PIK3C2A: variants seen among roughly 807,000 people sequenced by gnomAD.
The protein encoded by PIK3C2A is phosphatidylinositol 4-phosphate 3-kinase C2 domain-containing subunit alpha.
In PIK3C2A, 97 loss-of-function variants were observed where a neutral mutation model predicts 204.5. That is an observed-to-expected ratio of 0.47 (90% confidence interval 0.40 to 0.56). PIK3C2A has a LOEUF of 0.56. PIK3C2A is among the 20% of genes least tolerant of loss of function. The pLI is 0.00. For missense variants in PIK3C2A, 1,735 were observed against 1,969.2 expected, an observed-to-expected ratio of 0.88 and a Z score of 2.25; for synonymous variants, 653 against 664.4, an observed-to-expected ratio of 0.98 and a Z score of 0.26.
intron 26 of PIK3C2A, among the ~76,000 whole-genome samples, chr11:17,099,611 T>A (rs61763084): frequency 6.6e-6 from 1 of 152,152 alleles, no homozygotes; most frequent in African/African-American, 2.4e-5. Context: ...GTTTTTATCA[T>A]TGAAATTACA....
At chr11:17,167,010 G>A (rs931489102) in intron 2 of PIK3C2A, among the ~76,000 whole-genome samples, 11 of 151,848 alleles carry the variant, frequency 7.2e-5, no homozygotes, top group South Asian at 2.1e-4. Context: ...TTGCTCTGTC[G>A]CCCAGGCTGG....
chr11:17,168,320 G>A (rs755601576), intron 2 of PIK3C2A, among the ~76,000 whole-genome samples: 8 of 152,108 alleles, frequency 5.3e-5, no homozygotes, highest in South Asian at 2.1e-4. Context: ...AGTGGCTCAC[G>A]CCTGTAATCT....
At chr11:17,100,522 T>G (rs1848595546) in intron 25 of PIK3C2A, among the ~76,000 whole-genome samples, 1 of 152,112 alleles carries the variant, frequency 6.6e-6, no homozygotes, top group African/African-American at 2.4e-5. Context: ...GCGCCTGGCC[T>G]AGGCCACTGT....
At position 17,155,600 on chromosome 11, in the gene PIK3C2A, T is replaced by A; in HGVS notation, c.1095A>T (p.Pro365=). The part of the protein sequence containing the change: ...QKDPNGTSSL[P]TGSSLLQEVE... The stretch of plus-strand genomic sequence containing the variant: ...CTTCTTGAAGAAGAGAACTTCCAGT[T>A]GGCAAACTACTGGTCCCATTTGGGT... The change falls in exon 3 of 33, where the codon CCA becomes CCT. Residue 365 remains proline, a synonymous_variant. Coordinates refer to ENST00000691414, the MANE Select transcript of PIK3C2A (RefSeq NM_002645.4). The A allele has an allele frequency of 6.2e-7, 1 of 1,607,708 alleles. No homozygotes were observed. The highest frequency in any genetic ancestry group is 2.2e-5 in the East Asian group (1 of 44,760).
intron 27 of PIK3C2A, among the ~76,000 whole-genome samples, chr11:17,095,736 G>A (rs924407388): frequency 2.0e-5 from 3 of 151,628 alleles, no homozygotes; most frequent in Non-Finnish European, 4.4e-5. Context: ...GCAACATGGC[G>A]AAACCCCATC....
intron 3 of PIK3C2A, among the ~76,000 whole-genome samples, chr11:17,151,692 G>C (rs1024241412): frequency 1.3e-5 from 2 of 152,094 alleles, no homozygotes; most frequent in African/African-American, 2.4e-5. Context: ...TTACCTGATA[G>C]GGTTGTTGTG....
chr11:17,126,075 G>A (rs1849512032), intron 13 of PIK3C2A, among the ~76,000 whole-genome samples: 1 of 152,074 alleles, frequency 6.6e-6, no homozygotes, highest in African/African-American at 2.4e-5. Flanking sequence ...AGTGAGCCAA[G>A]ATCATGCCAT....
rs1220522244 is a variant in PIK3C2A, at chr11:17,174,518, C to T, written c.-65-4712G>A. 6.2e-4 allele frequency among the ~76,000 whole-genome samples: 33 copies of T among 52,968 alleles called. 11 individuals carry two copies. Among genetic ancestry groups the T allele is most frequent in the Non-Finnish European group, 8.2e-4 (24 of 29,208 alleles). The allele number at this position is 52,968 out of a possible 152,430, so 34.7% of individuals were successfully genotyped here. A position where few individuals can be genotyped will look rare whatever the true frequency, so the allele number is the denominator to read the frequency against. On this transcript the variant is annotated intron_variant, in intron 1 of 32. Coordinates refer to ENST00000691414, the MANE Select transcript of PIK3C2A (RefSeq NM_002645.4). ...CTGAGGCAGGAGAATGGCGTGAACC[C>T]GGGAGGCGGAGCTTGCAGTGAGCCG... is the stretch of plus-strand genomic sequence containing the variant.
At chr11:17,182,567 CAAAAAA>C (rs11453658) in intron 1 of PIK3C2A, among the ~76,000 whole-genome samples, 1 of 91,806 alleles carries the variant, frequency 1.1e-5, no homozygotes, top group Non-Finnish European at 2.4e-5. Context: ...GACCCTGTCT[CAAAAAA>C]AAAAAAAAAA....
chr11:17,150,628 A>G lies in PIK3C2A; in HGVS notation c.1197T>C (p.Asn399=), dbSNP rs1850396137. 1 of 1,603,566 alleles carries G rather than the reference A, an allele frequency of 6.2e-7. No individual in the cohort carries two copies. Among genetic ancestry groups the G allele is most frequent in the Admixed American group, 1.7e-5 (1 of 57,278 alleles). Residue 399 remains asparagine (N), a synonymous_variant, in exon 4 of 33, where the codon AAT becomes AAC. Coordinates refer to ENST00000691414, the MANE Select transcript of PIK3C2A (RefSeq NM_002645.4). ...ACAAATAGCCTGGGTTTGTGCGGTG[A>G]TTGGTATATGGAAATTTGGTCTTCA... ...TKLKTKFPYT[N]HRTNPGYLLS...
At chr11:17,175,337 A>G (rs901142056) in intron 1 of PIK3C2A, among the ~76,000 whole-genome samples, 3 of 152,224 alleles carry the variant, frequency 2.0e-5, no homozygotes, top group African/African-American at 4.8e-5. Flanking sequence ...CTAAGTTACC[A>G]TATTTAAGTT....
intron 2 of PIK3C2A, among the ~76,000 whole-genome samples, chr11:17,156,383 G>A (rs1850592920): frequency 6.6e-6 from 1 of 152,096 alleles, no homozygotes; most frequent in Admixed American, 6.5e-5. Context: ...CACACAAAAA[G>A]ACTTTTTTTT....
At chr11:17,097,537 T>C (rs959813551) in intron 26 of PIK3C2A, among the ~76,000 whole-genome samples, 2 of 152,200 alleles carry the variant, frequency 1.3e-5, no homozygotes, top group African/African-American at 4.8e-5. Context: ...AGATAGATGA[T>C]GATTGGTATA....
intron 1 of PIK3C2A, among the ~76,000 whole-genome samples, chr11:17,198,432 G>A (rs568014474): frequency 1.3e-5 from 2 of 152,092 alleles, no homozygotes; most frequent in East Asian, 3.9e-4. Flanking sequence ...TTTAAAGTAA[G>A]TTACTTGATC....
chr11:17,143,821 C>T (rs1410944041), intron 8 of PIK3C2A, among the ~76,000 whole-genome samples: 1 of 151,992 alleles, frequency 6.6e-6, no homozygotes, highest in Non-Finnish European at 1.5e-5. Flanking sequence ...CCTGTAATCC[C>T]AGCTACTAGG....
At chr11:17,141,760 AG>A (rs1489760994) in intron 8 of PIK3C2A, among the ~76,000 whole-genome samples, 2 of 152,248 alleles carry the variant, frequency 1.3e-5, no homozygotes, top group Non-Finnish European at 2.9e-5. Flanking sequence ...TGTAGAGGGC[AG>A]GGGTAGACAC....
intron 13 of PIK3C2A, 79 bp downstream of exon 13, chr11:17,129,220 CT>C: frequency 8.9e-7 from 1 of 1,124,750 alleles, no homozygotes; most frequent in Non-Finnish European, 1.3e-6. Context: ...TGTTCCTCCC[CT>C]CACCTCCTTG....
At position 17,119,301 on chromosome 11, in the gene PIK3C2A, C is replaced by T; in HGVS notation, c.2859G>A (p.Gln953=). Residue 953 remains glutamine, a synonymous_variant, in exon 17 of 33, where the codon CAG becomes CAA. Transcript: ENST00000691414. Reference sequence around the variant, plus strand: ...AGGTCACAGCTAGGGATCTTACTTCCTGATCAGCAAATCTAGAAGATTACC... The same window carrying T: ...AGGTCACAGCTAGGGATCTTACTTCTTGATCAGCAAATCTAGAAGATTACC... ...LELLDSKFAD[Q]EVRSLAVTWI... is the part of the protein sequence containing the mutation. 1 of 1,591,072 alleles carries T rather than the reference C, an allele frequency of 6.3e-7. No homozygotes were observed. The highest frequency in any genetic ancestry group is 1.1e-5 in the South Asian group (1 of 89,944).
In PIK3C2A at chr11:17,110,414, C is replaced by A; in HGVS notation, c.3544+18G>T. The stretch of plus-strand genomic sequence containing the variant: ...CAAGGAAAAAAATAAGACATCAAGA[C>A]ACAGCTAATAAACTTACCTCGATCT... On this transcript the variant is annotated intron_variant, in intron 22 of 32. Coordinates refer to ENST00000691414, the MANE Select transcript of PIK3C2A (RefSeq NM_002645.4). 1 of 1,595,738 alleles carries A rather than the reference C, an allele frequency of 6.3e-7. No homozygotes were observed. The highest frequency in any genetic ancestry group is 8.5e-7 in the Non-Finnish European group (1 of 1,171,780).
Sources: allele counts gnomAD v4.1 joint callset (sites outside exome capture counted in the v4.1 genomes callset), GRCh38; gene constraint gnomAD v4.1.1; transcripts MANE v1.5; gene names NCBI Gene and HGNC (gene_info 2026-07-23, HGNC 2026-07-21).